The following R3HDM1 variants were observed in gnomAD, a reference collection of about 807,000 sequenced individuals.
R3HDM1 encodes R3H domain-containing protein 1.
In R3HDM1, 46 loss-of-function variants were observed where a neutral mutation model predicts 141.1. The ratio of observed to expected loss-of-function variants is 0.33; its 90% CI spans 0.26 to 0.42. The LOEUF (loss-of-function observed/expected upper bound fraction) is 0.42, where lower values mean the gene tolerates loss of function less well. R3HDM1 is among the 10% of genes least tolerant of loss of function. The pLI, the probability that R3HDM1 is intolerant of heterozygous loss-of-function variation, is 1.00. For synonymous variants in R3HDM1, 435 were observed against 472.9 expected, an observed-to-expected ratio of 0.92 and a Z score of 1.04; for missense variants, 1,184 against 1,368.3, an observed-to-expected ratio of 0.87 and a Z score of 2.12.
chr2:135,706,989 G>T (rs1489439702), intron 21 of R3HDM1, among the ~76,000 whole-genome samples: 2 of 151,836 alleles, frequency 1.3e-5, no homozygotes, highest in South Asian at 4.2e-4. Context: ...CGGACGGGGC[G>T]GCTGGCCGGG....
intron 1 of R3HDM1, among the ~76,000 whole-genome samples, chr2:135,597,797 G>A (rs1212489535): frequency 2.0e-5 from 3 of 152,042 alleles, no homozygotes; most frequent in South Asian, 4.1e-4. Context: ...CTATAGGAGC[G>A]AGATTTCTTT....
At chr2:135,654,786 A>G (rs547872188) in intron 18 of R3HDM1, among the ~76,000 whole-genome samples, 1 of 151,900 alleles carries the variant, frequency 6.6e-6, no homozygotes, top group African/African-American at 2.4e-5. Context: ...TTCTGTAAAT[A>G]GTGCTGTTTT....
chr2:135,599,038 C>A (rs540051848), intron 1 of R3HDM1, among the ~76,000 whole-genome samples: 1 of 152,186 alleles, frequency 6.6e-6, no homozygotes, highest in Admixed American at 6.5e-5. Context: ...AGGACTTTCC[C>A]ACCCAAAAAT....
chr2:135,724,338 C>T lies in R3HDM1; in HGVS notation c.*46C>T. ...GCCTTTATGGTTCCCCTGCCCTCTC[C>T]CATCTTTGATTGGCTTGGTATTTGG... is the stretch of plus-strand genomic sequence containing the variant. On this transcript the variant is annotated 3_prime_UTR_variant, in exon 27 of 27. Coordinates refer to ENST00000683871, the MANE Select transcript of R3HDM1 (RefSeq NM_001378107.1). 7.2e-7 allele frequency: 1 copy of T among 1,397,194 alleles called. No homozygotes were observed. Among genetic ancestry groups the T allele is most frequent in the African/African-American group, 1.4e-5 (1 of 69,818 alleles). 86.5% of individuals were successfully genotyped at this position (1,397,194 alleles called of 1,614,324 possible). A position where few individuals can be genotyped will look rare whatever the true frequency, so the allele number is the denominator to read the frequency against.
chr2:135,639,197 G>A, intron 14 of R3HDM1, 75 bp downstream of exon 14: 1 of 1,393,760 alleles, frequency 7.2e-7, no homozygotes, highest in Non-Finnish European at 1.0e-6. Context: ...TTATTTATCA[G>A]ATGGCTTCTA....
At chr2:135,561,185 ATC>A (rs1266798323) in intron 1 of R3HDM1, 1 of 422,172 alleles carries the variant, frequency 2.4e-6, no homozygotes, top group Non-Finnish European at 3.2e-6. Context: ...GATACCAGGA[ATC>A]TCTGCACTGT....
Position 135,602,583 on chromosome 2 carries a change from C to T in R3HDM1, c.-166C>T. ...CAGTGGTGACAAGGACATGGGACTC[C>T]TCCTGCCAGATTACAGATGGTTCAC... On this transcript the variant is annotated 5_prime_UTR_variant, in exon 2 of 27. Coordinates refer to ENST00000683871, the MANE Select transcript of R3HDM1 (RefSeq NM_001378107.1). 1 of 1,539,784 alleles carries T rather than the reference C, an allele frequency of 6.5e-7. No individual in the cohort carries two copies.
intron 15 of R3HDM1, among the ~76,000 whole-genome samples, chr2:135,642,987 T>G (rs2063964350): frequency 6.6e-6 from 1 of 152,184 alleles, no homozygotes; most frequent in East Asian, 1.9e-4. Context: ...ATATTTTACT[T>G]TTTCCTATTA....
chr2:135,629,821 A>G (rs1024070840), intron 7 of R3HDM1, among the ~76,000 whole-genome samples: 1 of 152,166 alleles, frequency 6.6e-6, no homozygotes, highest in African/African-American at 2.4e-5. Flanking sequence ...GATTTAACAA[A>G]GGGAGTGATG....
chr2:135,566,445 T>G (rs1173236449), intron 1 of R3HDM1, among the ~76,000 whole-genome samples: 2 of 152,208 alleles, frequency 1.3e-5, no homozygotes, highest in African/African-American at 4.8e-5. Flanking sequence ...TCGTTTACAT[T>G]ATTGAAATAC....
intron 1 of R3HDM1, among the ~76,000 whole-genome samples, chr2:135,572,014 G>C (rs1704229521): frequency 6.6e-6 from 1 of 152,124 alleles, no homozygotes; most frequent in Non-Finnish European, 1.5e-5. Context: ...GGAGTGCAGT[G>C]GTGCCATCTC....
chr2:135,650,052 T>G (rs1368080278), intron 17 of R3HDM1, 49 bp downstream of exon 17: 1 of 1,172,032 alleles, frequency 8.5e-7, no homozygotes, highest in Non-Finnish European at 1.1e-6. Flanking sequence ...GGTGGATGTG[T>G]GATGAATGCT....
chr2:135,642,215 A>AG (rs1448640579), intron 15 of R3HDM1, among the ~76,000 whole-genome samples: 2 of 152,098 alleles, frequency 1.3e-5, no homozygotes, highest in South Asian at 2.1e-4. Flanking sequence ...TATATAATGG[A>AG]GGGGGGAAAA....
At chr2:135,717,904 T>G (rs1203826157) in intron 24 of R3HDM1, among the ~76,000 whole-genome samples, 1 of 152,114 alleles carries the variant, frequency 6.6e-6, no homozygotes, top group Non-Finnish European at 1.5e-5. Flanking sequence ...CAACCTTATT[T>G]TATAATAGCT....
chr2:135,684,688 G>A (rs1228466605), intron 21 of R3HDM1, among the ~76,000 whole-genome samples: 1 of 151,800 alleles, frequency 6.6e-6, no homozygotes, highest in East Asian at 1.9e-4. Context: ...AACAATACAC[G>A]CATAAATACT....
intron 21 of R3HDM1, among the ~76,000 whole-genome samples, chr2:135,681,622 A>G (rs1236393879): frequency 6.6e-6 from 1 of 152,162 alleles, no homozygotes; most frequent in Non-Finnish European, 1.5e-5. Flanking sequence ...ATGGTTCTTC[A>G]TAGGACGTGT....
chr2:135,616,276 T>G (rs2061009005), intron 4 of R3HDM1, 83 bp downstream of exon 4: 1 of 1,307,870 alleles, frequency 7.6e-7, no homozygotes, highest in Admixed American at 2.1e-5. Flanking sequence ...TAGCACTACA[T>G]TCAGTTTAGT....
intron 1 of R3HDM1, 72 bp from the exon 2 acceptor site, chr2:135,602,428 C>A: frequency 2.9e-6 from 3 of 1,018,678 alleles, no homozygotes; most frequent in Non-Finnish European, 3.8e-6. Context: ...TTTTTAATTT[C>A]TCAGTTTCAT....
intron 1 of R3HDM1, chr2:135,583,899 G>T: frequency 1.0e-6 from 1 of 985,378 alleles, no homozygotes; most frequent in Non-Finnish European, 1.2e-6. Flanking sequence ...TCATTCAGAT[G>T]GGTATTATCT....
Sources: gnomAD v4.1 joint callset for allele counts (sites outside exome capture counted in the v4.1 genomes callset) on GRCh38, gnomAD v4.1.1 for gene constraint, MANE v1.5 for transcripts, NCBI Gene and HGNC (gene_info 2026-07-23, HGNC 2026-07-21) for gene names.